SYT16: variants seen among roughly 807,000 people sequenced by gnomAD.
The protein encoded by SYT16 is synaptotagmin-16.
A neutral mutation model predicts 61.4 loss-of-function variants in SYT16; 42 were observed. The observed-to-expected ratio is 0.68, with a 90% CI of 0.53 to 0.89. The LOEUF (loss-of-function observed/expected upper bound fraction) is 0.89, where lower values mean the gene tolerates loss of function less well. Among genes scored for constraint, SYT16 ranks in the 40% least tolerant of loss-of-function variants. SYT16 has a pLI of 0.00. For missense variants in SYT16, 804 were observed against 807.3 expected (o/e 1.00, Z 0.05); for synonymous variants, 314 against 302.3 (o/e 1.04, Z -0.40).
chr14:61,923,295 T>C (rs939063451), intron 1 of SYT16, among the ~76,000 whole-genome samples: 1 of 152,186 alleles, frequency 6.6e-6, no homozygotes, highest in Admixed American at 6.5e-5. Context: ...TTCATCACTT[T>C]CTTATTATGT....
chr14:61,827,454 T>A (rs567288840), intron 1 of SYT16, among the ~76,000 whole-genome samples: 2 of 152,342 alleles, frequency 1.3e-5, no homozygotes, highest in South Asian at 2.1e-4. Flanking sequence ...CTTGCTCTTT[T>A]TGTCGATGTT....
At chr14:61,902,115 G>T (rs1368894759) in intron 1 of SYT16, among the ~76,000 whole-genome samples, 2 of 151,942 alleles carry the variant, frequency 1.3e-5, no homozygotes, top group Non-Finnish European at 2.9e-5. Flanking sequence ...ACATAATTTG[G>T]GTCTAATGTT....
chr14:61,818,634 C>T (rs1334072035), intron 1 of SYT16, among the ~76,000 whole-genome samples: 2 of 149,044 alleles, frequency 1.3e-5, no homozygotes, highest in Non-Finnish European at 3.0e-5. Context: ...GCCGAGATTG[C>T]TTCACCGCAC....
At position 61,914,432 on chromosome 14, in the gene SYT16, G is replaced by T. The variant is rs113584954; in HGVS notation, c.-324-55700G>T. 3.1e-3 allele frequency among the ~76,000 whole-genome samples: 472 copies of T among 152,216 alleles called. 3 individuals are homozygous for T. The highest frequency in any genetic ancestry group is 0.011 in the African/African-American group (447 of 41,544). ...TTAGGACTCTCTATTTTTATCTCCA[G>T]TGTTGACCTGAAATCCAGACTCATT... On this transcript the variant is annotated intron_variant, in intron 1 of 7. Transcript: ENST00000683842.
At chr14:61,955,556 G>A (rs1486167246) in intron 1 of SYT16, among the ~76,000 whole-genome samples, 5 of 151,818 alleles carry the variant, frequency 3.3e-5, no homozygotes, top group Non-Finnish European at 5.9e-5. Context: ...ATCTTTCTCT[G>A]TGTGTCTTAT....
intron 7 of SYT16, among the ~76,000 whole-genome samples, chr14:62,087,311 C>T (rs916564739): frequency 5.9e-5 from 9 of 151,820 alleles, no homozygotes; most frequent in East Asian, 1.9e-4. Flanking sequence ...CCAAGTGCAC[C>T]GCTCCCCACG....
chr14:61,903,475 G>C lies in SYT16; in HGVS notation c.-324-66657G>C, dbSNP rs184638586. On this transcript the variant is annotated intron_variant, in intron 1 of 7. Transcript: ENST00000683842. ...GATAGTAACTTGTGAAAGGAAAGAA[G>C]GCGGCTGTGTTTTTTAAATTAGGTT... 4.4e-3 allele frequency among the ~76,000 whole-genome samples: 668 copies of C among 152,322 alleles called. 9 individuals are homozygous for C. Among genetic ancestry groups the C allele is most frequent in the Non-Finnish European group, 7.5e-3 (511 of 68,034 alleles).
intron 1 of SYT16, among the ~76,000 whole-genome samples, chr14:61,838,965 C>T (rs1055296264): frequency 2.0e-5 from 3 of 151,912 alleles, no homozygotes; most frequent in Non-Finnish European, 4.4e-5. Context: ...GGTGTTTCCC[C>T]ACCGGCCCCC....
chr14:62,028,326 C>CCTGCTTACTGTAT (rs2054178486), intron 3 of SYT16, among the ~76,000 whole-genome samples: 1 of 152,036 alleles, frequency 6.6e-6, no homozygotes, highest in Non-Finnish European at 1.5e-5. Flanking sequence ...GCTTACTGTA[C>CCTGCTTACTGTAT]GAGTTCTAAA....
intron 7 of SYT16, among the ~76,000 whole-genome samples, chr14:62,093,390 A>G (rs933684900): frequency 1.3e-5 from 2 of 152,044 alleles, no homozygotes; most frequent in Non-Finnish European, 2.9e-5. Flanking sequence ...ATCAGTAGTC[A>G]TAATAAATAT....
intron 1 of SYT16, among the ~76,000 whole-genome samples, chr14:61,942,153 C>G (rs1423697756): frequency 6.6e-6 from 1 of 152,140 alleles, no homozygotes; most frequent in Non-Finnish European, 1.5e-5. Flanking sequence ...GTTTTTACAT[C>G]AAGTTGTTGG....
intron 1 of SYT16, among the ~76,000 whole-genome samples, chr14:61,958,007 T>A (rs1458706124): frequency 6.6e-6 from 1 of 151,914 alleles, no homozygotes; most frequent in East Asian, 1.9e-4. Context: ...TTCTGTTACT[T>A]CTTGTTTTAG....
chr14:61,915,494 A>G (rs993643158), intron 1 of SYT16, among the ~76,000 whole-genome samples: 3 of 152,172 alleles, frequency 2.0e-5, no homozygotes, highest in Non-Finnish European at 4.4e-5. Context: ...CAAGTTTAGG[A>G]CAACTTTTTT....
At chr14:61,961,260 T>C (rs1362858698) in intron 1 of SYT16, among the ~76,000 whole-genome samples, 3 of 152,040 alleles carry the variant, frequency 2.0e-5, no homozygotes, top group African/African-American at 7.2e-5. Context: ...GTGACAAAAA[T>C]TGACACCTGG....
chr14:61,920,161 A>G (rs2049276061), intron 1 of SYT16, among the ~76,000 whole-genome samples: 1 of 151,564 alleles, frequency 6.6e-6, no homozygotes. Context: ...TTTTCCTCCT[A>G]CCTTGTTGGT....
At chr14:61,819,288 A>AT (rs1166010819) in intron 1 of SYT16, among the ~76,000 whole-genome samples, 9 of 152,240 alleles carry the variant, frequency 5.9e-5, no homozygotes, top group Non-Finnish European at 1.2e-4. Flanking sequence ...TAAGATGGCT[A>AT]TTATGCCATT....
At position 62,100,743 on chromosome 14, in the gene SYT16, T is replaced by G. The variant is rs748339629; in HGVS notation, c.*36T>G. 5 of 1,583,414 alleles carry G rather than the reference T, an allele frequency of 3.2e-6. No individual in the cohort carries two copies. The South Asian group carries it at 5.9e-5, about 19-fold the overall frequency. ...CTGCATTTGTGTGCTGTGTCCACCT[T>G]GGTTACCTGTGTTGCTGTCTACTGA... is the stretch of plus-strand genomic sequence containing the variant. On this transcript the variant is annotated 3_prime_UTR_variant, in exon 8 of 8. Coordinates refer to ENST00000683842, the MANE Select transcript of SYT16 (RefSeq NM_001367656.1).
chr14:62,062,631 C>T (rs1273520952), intron 3 of SYT16, among the ~76,000 whole-genome samples: 2 of 151,970 alleles, frequency 1.3e-5, no homozygotes, highest in South Asian at 2.1e-4. Flanking sequence ...GAAATGTGGC[C>T]GTTTTTCCTA....
intron 1 of SYT16, among the ~76,000 whole-genome samples, chr14:61,924,988 C>T (rs542822526): frequency 6.6e-6 from 1 of 152,288 alleles, no homozygotes; most frequent in South Asian, 2.1e-4. Context: ...CTCAAAGTTG[C>T]CTATAAAACG....
Sources: gnomAD v4.1 joint callset for allele counts (sites outside exome capture counted in the v4.1 genomes callset) on GRCh38, gnomAD v4.1.1 for gene constraint, MANE v1.5 for transcripts, NCBI Gene and HGNC (gene_info 2026-07-23, HGNC 2026-07-21) for gene names.